The following EFCAB11 variants were observed in gnomAD, a reference collection of about 807,000 sequenced individuals.
EFCAB11 encodes EF-hand calcium binding domain 11.
EFCAB11 carries 14 observed loss-of-function variants against 23.0 expected under a neutral mutation model. The ratio of observed to expected loss-of-function variants is 0.61; its 90% CI spans 0.40 to 0.95. The LOEUF (loss-of-function observed/expected upper bound fraction) is 0.95, where lower values mean the gene tolerates loss of function less well. EFCAB11 is among the 40% of genes least tolerant of loss of function. The probability of loss-of-function intolerance (pLI) is 0.00; values close to 1 mark genes in which losing one functional copy is unlikely to be tolerated. For missense variants in EFCAB11, 198 were observed against 195.8 expected, an observed-to-expected ratio of 1.01 and a Z score of -0.07; for synonymous variants, 65 against 66.6, an observed-to-expected ratio of 0.98 and a Z score of 0.11.
intron 5 of EFCAB11, among the ~76,000 whole-genome samples, chr14:89,903,963 A>G (rs762072746): frequency 4.6e-5 from 7 of 151,876 alleles, no homozygotes; most frequent in Non-Finnish European, 8.8e-5. Flanking sequence ...GAGAACCCTA[A>G]CACAAACATA....
chr14:89,914,051 A>G lies in EFCAB11; in HGVS notation c.410+17490T>C, dbSNP rs146848295. On this transcript the variant is annotated intron_variant, in intron 5 of 5. Coordinates refer to ENST00000316738, the MANE Select transcript of EFCAB11 (RefSeq NM_145231.4). ...TGGGGACACTGTTGCTACACCTGTC[A>G]GCAACCCTGTGCTCCCTTCTCCAAT... 5.3e-3 allele frequency among the ~76,000 whole-genome samples: 804 copies of G among 152,352 alleles called. 4 individuals carry two copies. Among genetic ancestry groups the G allele is most frequent in the Non-Finnish European group, 8.6e-3 (583 of 68,030 alleles).
intron 3 of EFCAB11, among the ~76,000 whole-genome samples, chr14:89,947,564 C>T (rs1891025652): frequency 6.6e-6 from 1 of 152,244 alleles, no homozygotes; most frequent in African/African-American, 2.4e-5. Context: ...CAAACACCTC[C>T]AGGTGGCCAA....
chr14:89,876,806 T>G (rs1009912890), intron 5 of EFCAB11, among the ~76,000 whole-genome samples: 2 of 152,216 alleles, frequency 1.3e-5, no homozygotes, highest in East Asian at 1.9e-4. Context: ...TTGGAGCACC[T>G]GCACAATGCC....
intron 5 of EFCAB11, among the ~76,000 whole-genome samples, chr14:89,908,257 C>G (rs1193607010): frequency 6.6e-6 from 1 of 152,204 alleles, no homozygotes; most frequent in African/African-American, 2.4e-5. Context: ...GGGCCAGGCA[C>G]AGTGTTTGAC....
intron 5 of EFCAB11, among the ~76,000 whole-genome samples, chr14:89,823,329 C>T (rs1886587634): frequency 6.6e-6 from 1 of 152,138 alleles, no homozygotes; most frequent in Non-Finnish European, 1.5e-5. Flanking sequence ...CTATTAACAA[C>T]CTGAGTGAGC....
chr14:89,892,723 G>A (rs948247624), intron 5 of EFCAB11, among the ~76,000 whole-genome samples: 3 of 152,074 alleles, frequency 2.0e-5, no homozygotes, highest in Non-Finnish European at 4.4e-5. Context: ...CCAACATGGT[G>A]AAACCCCGTC....
intron 5 of EFCAB11, among the ~76,000 whole-genome samples, chr14:89,810,620 G>A (rs999441675): frequency 6.6e-6 from 1 of 152,054 alleles, no homozygotes; most frequent in Non-Finnish European, 1.5e-5. Context: ...GCCAGGTATG[G>A]TGGCGGGCAC....
intron 3 of EFCAB11, among the ~76,000 whole-genome samples, chr14:89,939,450 G>A (rs1259573915): frequency 6.6e-6 from 1 of 152,170 alleles, no homozygotes; most frequent in East Asian, 1.9e-4. Flanking sequence ...CAGCACAGAA[G>A]AGGGTCTCTG....
chr14:89,819,126 C>G (rs1010150589), intron 5 of EFCAB11, among the ~76,000 whole-genome samples: 1 of 152,168 alleles, frequency 6.6e-6, no homozygotes, highest in Admixed American at 6.5e-5. Context: ...ACAAACCCAA[C>G]GCCCATCAAC....
At chr14:89,828,517 A>T (rs1014924999) in intron 5 of EFCAB11, among the ~76,000 whole-genome samples, 8 of 152,190 alleles carry the variant, frequency 5.3e-5, no homozygotes, top group Non-Finnish European at 1.2e-4. Flanking sequence ...TTTCCCCAGA[A>T]CTATGATCCC....
chr14:89,810,755 CA>C lies in EFCAB11; in HGVS notation c.411-13432del, dbSNP rs374599977. 8.1e-3 allele frequency among the ~76,000 whole-genome samples: 926 copies of C among 114,146 alleles called. 7 individuals are homozygous for C. Among genetic ancestry groups the C allele is most frequent in the African/African-American group, 0.029 (810 of 27,698 alleles). The allele number at this position is 114,146 out of a possible 152,430, so 74.9% of individuals were successfully genotyped here. On this transcript the variant is annotated intron_variant, in intron 5 of 5. Coordinates refer to ENST00000316738, the MANE Select transcript of EFCAB11 (RefSeq NM_145231.4). ...TGGGTGACAAAGTGAGACTCCGTCT[CA>C]AAAAAAAAAAAAAAAAGAAATGGAT...
At chr14:89,871,320 C>T (rs553831805) in intron 5 of EFCAB11, among the ~76,000 whole-genome samples, 1 of 152,298 alleles carries the variant, frequency 6.6e-6, no homozygotes, top group East Asian at 1.9e-4. Flanking sequence ...AATTTCCCTA[C>T]ATTCTCACTC....
At chr14:89,864,113 T>A (rs995120036) in intron 5 of EFCAB11, among the ~76,000 whole-genome samples, 13 of 152,162 alleles carry the variant, frequency 8.5e-5, no homozygotes, top group African/African-American at 3.1e-4. Context: ...ACAAACAGGA[T>A]CTACATGTTT....
intron 5 of EFCAB11, among the ~76,000 whole-genome samples, chr14:89,908,548 CTT>C (rs1201308193): frequency 1.3e-5 from 2 of 152,048 alleles, no homozygotes; most frequent in Non-Finnish European, 2.9e-5. Flanking sequence ...ATATATGAAA[CTT>C]AAATGAATTT....
chr14:89,924,672 A>G, intron 5 of EFCAB11: 2 of 1,535,848 alleles, frequency 1.3e-6, no homozygotes, highest in Non-Finnish European at 1.7e-6. Flanking sequence ...TGCACTGAAA[A>G]TGCCTCTGAA....
chr14:89,931,953 G>A (rs1408243951), intron 4 of EFCAB11, among the ~76,000 whole-genome samples: 1 of 152,140 alleles, frequency 6.6e-6, no homozygotes, highest in African/African-American at 2.4e-5. Context: ...GAGTCTTTGC[G>A]AGTTGCCAAA....
At chr14:89,945,353 A>G (rs75361478) in intron 3 of EFCAB11, among the ~76,000 whole-genome samples, 26 of 152,318 alleles carry the variant, frequency 1.7e-4, no homozygotes, top group Non-Finnish European at 1.2e-4. Flanking sequence ...TTTCCTAAAC[A>G]TAGAAAGTTA....
At position 89,795,740 on chromosome 14, in the gene EFCAB11, T is replaced by A. The variant is rs1281132825; in HGVS notation, c.*1503A>T. 6.6e-6 allele frequency: 1 copy of A among 152,236 alleles called. No homozygotes were observed. The highest frequency in any genetic ancestry group is 1.5e-5 in the Non-Finnish European group (1 of 68,042). The allele number at this position is 152,236 out of a possible 1,614,324, so 9.4% of individuals were successfully genotyped here. A position where few individuals can be genotyped will look rare whatever the true frequency, so the allele number is the denominator to read the frequency against. On this transcript the variant is annotated 3_prime_UTR_variant, in exon 6 of 6. Transcript: ENST00000316738. ...TTGTATGATAATGACGCTTAATGTT[T>A]CCATATTACAAATTTACAATTTTAC...
intron 3 of EFCAB11, among the ~76,000 whole-genome samples, chr14:89,944,296 G>T (rs550516075): frequency 6.6e-6 from 1 of 152,146 alleles, no homozygotes; most frequent in Non-Finnish European, 1.5e-5. Flanking sequence ...ATCAAATCTC[G>T]TGAGACTTAT....
Sources: allele counts gnomAD v4.1 joint callset (sites outside exome capture counted in the v4.1 genomes callset), GRCh38; gene constraint gnomAD v4.1.1; transcripts MANE v1.5; gene names NCBI Gene and HGNC (gene_info 2026-07-23, HGNC 2026-07-21).